The following CUL1 variants were observed in gnomAD, a reference collection of about 807,000 sequenced individuals.
CUL1 encodes cullin 1.
In CUL1, 24 loss-of-function variants were observed where a neutral mutation model predicts 118.0. The ratio of observed to expected loss-of-function variants is 0.20; its 90% CI spans 0.15 to 0.29. The LOEUF is 0.29. Ranked by LOEUF, CUL1 falls within the 10% of genes least tolerant of loss-of-function variation. CUL1 has a pLI of 1.00. For missense variants in CUL1, 361 were observed against 933.8 expected, an observed-to-expected ratio of 0.39 and a Z score of 7.99; for synonymous variants, 332 against 340.4, an observed-to-expected ratio of 0.98 and a Z score of 0.27.
intron 8 of CUL1, among the ~76,000 whole-genome samples, 153 bp downstream of exon 8, chr7:148,766,876 G>A (rs1800023306): frequency 6.6e-6 from 1 of 152,206 alleles, no homozygotes; most frequent in South Asian, 2.1e-4. Flanking sequence ...GCCAATTTCA[G>A]ACTTCTGCAG....
At chr7:148,704,520 G>A (rs908459595) in intron 1 of CUL1, among the ~76,000 whole-genome samples, 1 of 152,114 alleles carries the variant, frequency 6.6e-6, no homozygotes, top group African/African-American at 2.4e-5. Flanking sequence ...TCTGTCCAGG[G>A]TGTGCTGTTA....
intron 1 of CUL1, among the ~76,000 whole-genome samples, chr7:148,724,515 G>T (rs915651130): frequency 1.3e-5 from 2 of 152,194 alleles, no homozygotes; most frequent in African/African-American, 4.8e-5. Flanking sequence ...TGTGTGTGTG[G>T]AAGCACAGCT....
chr7:148,740,448 A>G (rs919185307), intron 2 of CUL1, among the ~76,000 whole-genome samples: 1 of 152,246 alleles, frequency 6.6e-6, no homozygotes, highest in Non-Finnish European at 1.5e-5. Context: ...GATAATGTTC[A>G]ACTGTCACAT....
intron 1 of CUL1, among the ~76,000 whole-genome samples, chr7:148,702,695 C>T (rs560420333): frequency 3.9e-5 from 6 of 152,300 alleles, no homozygotes; most frequent in East Asian, 1.9e-4. Flanking sequence ...TATCACCTGA[C>T]GGCTCACACA....
intron 2 of CUL1, among the ~76,000 whole-genome samples, chr7:148,731,597 TAC>T: frequency 6.6e-6 from 1 of 152,318 alleles, no homozygotes; most frequent in East Asian, 1.9e-4. Context: ...TTAGTATATT[TAC>T]AGAGTTTTGC....
intron 1 of CUL1, among the ~76,000 whole-genome samples, chr7:148,726,833 CAA>C (rs11408081): frequency 9.9e-5 from 13 of 131,642 alleles, no homozygotes; most frequent in Non-Finnish European, 9.7e-5. Context: ...CCATCTCTAC[CAA>C]AAAAAAAAAA....
chr7:148,786,872 A>G lies in CUL1; in HGVS notation c.1348-117A>G, dbSNP rs1206575499. On this transcript the variant is annotated intron_variant, in intron 12 of 21. Transcript: ENST00000325222. ...TGCCATCATAAACGTTGGCGTACAG[A>G]CCTGCCCAAAGCCAAAGGCACATCT... 2.0e-5 allele frequency: 28 copies of G among 1,382,736 alleles called. 1 individual carries two copies. The East Asian group carries it at 6.2e-4, about 31-fold the overall frequency. 85.7% of individuals were successfully genotyped at this position (1,382,736 alleles called of 1,614,324 possible).
intron 2 of CUL1, among the ~76,000 whole-genome samples, chr7:148,738,537 G>A (rs1473624896): frequency 2.0e-5 from 3 of 152,176 alleles, no homozygotes; most frequent in Non-Finnish European, 2.9e-5. Flanking sequence ...CTGCGGAGGA[G>A]GCCCCAGATA....
intron 1 of CUL1, among the ~76,000 whole-genome samples, chr7:148,699,981 AAG>A (rs1271045708): frequency 2.0e-5 from 3 of 152,088 alleles, no homozygotes; most frequent in African/African-American, 7.2e-5. Context: ...GCGCAGACAT[AAG>A]ATAAGAAAGA....
intron 17 of CUL1, among the ~76,000 whole-genome samples, chr7:148,795,752 A>C (rs1297062565): frequency 2.7e-5 from 4 of 150,576 alleles, no homozygotes; most frequent in Non-Finnish European, 5.9e-5. Context: ...CCTGGGCGAC[A>C]GAGCAAGACT....
intron 4 of CUL1, 31 bp from the exon 5 acceptor site, chr7:148,759,273 G>T (rs1331313211): frequency 6.2e-7 from 1 of 1,601,150 alleles, no homozygotes; most frequent in East Asian, 2.2e-5. Flanking sequence ...CATGGTAAAA[G>T]TATAGACATT....
intron 8 of CUL1, among the ~76,000 whole-genome samples, 187 bp downstream of exon 8, chr7:148,766,910 G>A (rs948578223): frequency 1.3e-5 from 2 of 152,178 alleles, no homozygotes; most frequent in African/African-American, 4.8e-5. Flanking sequence ...GACTTAGGGG[G>A]AAGAGTGTAT....
At chr7:148,723,866 C>T (rs189400692) in intron 1 of CUL1, among the ~76,000 whole-genome samples, 22 of 150,906 alleles carry the variant, frequency 1.5e-4, no homozygotes, top group African/African-American at 4.4e-4. Flanking sequence ...TCTCAAGATA[C>T]GTTCAGGAAA....
At chr7:148,761,347 A>G (rs2129460560) in intron 7 of CUL1, among the ~76,000 whole-genome samples, 1 of 152,228 alleles carries the variant, frequency 6.6e-6, no homozygotes. Context: ...GTTTCTACTA[A>G]AAATACAAAA....
At chr7:148,719,153 T>G (rs759012723) in intron 1 of CUL1, among the ~76,000 whole-genome samples, 5 of 151,928 alleles carry the variant, frequency 3.3e-5, no homozygotes, top group Non-Finnish European at 7.4e-5. Context: ...CTACTAAAAA[T>G]ACAAAAAATT....
intron 16 of CUL1, among the ~76,000 whole-genome samples, chr7:148,791,826 G>A (rs372034746): frequency 2.6e-5 from 4 of 152,348 alleles, no homozygotes; most frequent in South Asian, 2.1e-4. Context: ...GAAGGAAGGC[G>A]TCCTCGGGGT....
chr7:148,735,499 T>C (rs1355868508), intron 2 of CUL1, among the ~76,000 whole-genome samples: 2 of 152,228 alleles, frequency 1.3e-5, no homozygotes, highest in African/African-American at 4.8e-5. Flanking sequence ...CTCTCCTTTA[T>C]AGAAAACCAA....
At position 148,728,238 on chromosome 7, in the gene CUL1, A is replaced by G. The variant is rs547435579; in HGVS notation, c.-161-1724A>G. On this transcript the variant is annotated intron_variant, in intron 1 of 21. Transcript: ENST00000325222. The stretch of plus-strand genomic sequence containing the variant: ...GCTGACACGGACAACACTGATGGAG[A>G]AAGGCATTTGGGGGCCAGAGTAGAA... 2.7e-4 allele frequency among the ~76,000 whole-genome samples: 41 copies of G among 152,290 alleles called. No individual in the cohort carries two copies. The South Asian group carries it at 7.7e-3, about 29-fold the overall frequency.
rs767179283 is a variant in CUL1, at chr7:148,730,077, T to C, written c.-46T>C. Reference sequence around the variant, plus strand: ...CATCTAATGGAGAACTAGCTGTACTTTGAATAAGGATTGCTGCACTGGACG... The same window carrying C: ...CATCTAATGGAGAACTAGCTGTACTCTGAATAAGGATTGCTGCACTGGACG... On this transcript the variant is annotated 5_prime_UTR_variant, in exon 2 of 22. Coordinates refer to ENST00000325222, the MANE Select transcript of CUL1 (RefSeq NM_003592.3). The C allele has an allele frequency of 1.3e-6, 2 of 1,581,828 alleles. No homozygotes were observed. Among genetic ancestry groups the C allele is most frequent in the Admixed American group, 3.6e-5 (2 of 55,584 alleles).
Sources: gnomAD v4.1 joint callset for allele counts (sites outside exome capture counted in the v4.1 genomes callset) on GRCh38, gnomAD v4.1.1 for gene constraint, MANE v1.5 for transcripts, NCBI Gene and HGNC (gene_info 2026-07-23, HGNC 2026-07-21) for gene names.